The following ANKFN1 variants were observed in gnomAD, a reference collection of about 807,000 sequenced individuals.
The protein encoded by ANKFN1 is ankyrin repeat and fibronectin type-III domain-containing protein 1.
ANKFN1 carries 74 observed loss-of-function variants against 108.7 expected under a neutral mutation model. The ratio of observed to expected loss-of-function variants is 0.68; its 90% CI spans 0.56 to 0.83. ANKFN1 has a LOEUF of 0.83. Among genes scored for constraint, ANKFN1 ranks in the 40% least tolerant of loss-of-function variants. The pLI is 0.00. For missense variants in ANKFN1, 1,505 were observed against 1,382.3 expected, an observed-to-expected ratio of 1.09 and a Z score of -1.41; for synonymous variants, 547 against 516.2, an observed-to-expected ratio of 1.06 and a Z score of -0.81.
At chr17:56,507,075 A>G (rs1238738829) in intron 20 of ANKFN1, among the ~76,000 whole-genome samples, 1 of 152,200 alleles carries the variant, frequency 6.6e-6, no homozygotes, top group Non-Finnish European at 1.5e-5. Flanking sequence ...TAAATGAAGA[A>G]GGGAGTTCAA....
chr17:56,297,879 T>A (rs1471752693), intron 3 of ANKFN1, among the ~76,000 whole-genome samples: 1 of 152,218 alleles, frequency 6.6e-6, no homozygotes, highest in Non-Finnish European at 1.5e-5. Context: ...GGTTAATAAA[T>A]CATGTAATAA....
At chr17:56,105,805 T>C (rs868671082) in intron 4 of ANKFN1, among the ~76,000 whole-genome samples, 96 of 151,428 alleles carry the variant, frequency 6.3e-4, no homozygotes, top group Non-Finnish European at 1.0e-3. Flanking sequence ...AAGCCTTAGA[T>C]CAGTGGTTCT....
intron 3 of ANKFN1, among the ~76,000 whole-genome samples, chr17:56,286,574 C>T (rs2044222505): frequency 6.6e-6 from 1 of 152,146 alleles, no homozygotes; most frequent in African/African-American, 2.4e-5. Context: ...ATGGCCTCTC[C>T]ATGTGACTGG....
At chr17:56,206,564 C>T (rs1289514118) in intron 1 of ANKFN1, 1 of 152,154 alleles carries the variant, frequency 6.6e-6, no homozygotes, top group Non-Finnish European at 1.5e-5. Flanking sequence ...AGCTATGGAT[C>T]ACAGTGTTAT....
At chr17:56,334,120 G>T (rs9303386) in intron 4 of ANKFN1, among the ~76,000 whole-genome samples, 120,713 of 152,140 alleles carry the variant, frequency 0.79, 48,217 homozygotes, top group East Asian at 0.96. Context: ...AATGGAATAC[G>T]TCTCAGCAAT....
At chr17:56,281,676 C>G (rs1326891278) in intron 3 of ANKFN1, among the ~76,000 whole-genome samples, 1 of 152,060 alleles carries the variant, frequency 6.6e-6, no homozygotes, top group Non-Finnish European at 1.5e-5. Context: ...ATTTTTAAAA[C>G]AGGCAAAAAA....
intron 3 of ANKFN1, among the ~76,000 whole-genome samples, chr17:56,254,627 C>A (rs1459502186): frequency 6.6e-6 from 1 of 152,190 alleles, no homozygotes; most frequent in East Asian, 1.9e-4. Flanking sequence ...TCCTTTATAG[C>A]AGAGATTCTC....
At chr17:56,385,782 C>T (rs960596128) in intron 8 of ANKFN1, among the ~76,000 whole-genome samples, 5 of 152,168 alleles carry the variant, frequency 3.3e-5, no homozygotes, top group African/African-American at 1.2e-4. Context: ...TACCATCTCA[C>T]ACCAGTTAGA....
At chr17:56,442,961 G>A (rs1213277886) in intron 10 of ANKFN1, 28 bp downstream of exon 10, 1 of 1,608,804 alleles carries the variant, frequency 6.2e-7, no homozygotes, top group East Asian at 2.2e-5. Flanking sequence ...ACTCTCTCCA[G>A]CATGGTAACA....
intron 20 of ANKFN1, among the ~76,000 whole-genome samples, chr17:56,504,919 C>T (rs570481572): frequency 2.0e-5 from 3 of 151,420 alleles, no homozygotes; most frequent in East Asian, 1.9e-4. Flanking sequence ...GTGATCCACC[C>T]GCCTCGGCCT....
At chr17:56,272,693 T>A (rs77892335) in intron 3 of ANKFN1, among the ~76,000 whole-genome samples, 2,453 of 152,314 alleles carry the variant, frequency 0.016, 59 homozygotes, top group African/African-American at 0.055. Flanking sequence ...ACAAGTGGAA[T>A]TGCTGGATCA....
chr17:56,326,023 C>G (rs1031446451), intron 3 of ANKFN1, among the ~76,000 whole-genome samples, 198 bp from the exon 4 acceptor site: 2 of 152,240 alleles, frequency 1.3e-5, no homozygotes, highest in African/African-American at 4.8e-5. Context: ...TCACTACACG[C>G]ACACAAGCTA....
At chr17:56,236,497 G>A (rs1192801579) in intron 3 of ANKFN1, among the ~76,000 whole-genome samples, 2 of 152,134 alleles carry the variant, frequency 1.3e-5, no homozygotes, top group Non-Finnish European at 2.9e-5. Flanking sequence ...TGGCTTGTCT[G>A]TTGTTGGTGT....
At chr17:56,280,851 C>T (rs1223814746) in intron 3 of ANKFN1, among the ~76,000 whole-genome samples, 2 of 152,100 alleles carry the variant, frequency 1.3e-5, no homozygotes, top group Non-Finnish European at 2.9e-5. Context: ...ATCTTGAATT[C>T]CCATATGTTG....
intron 4 of ANKFN1, among the ~76,000 whole-genome samples, chr17:56,094,502 G>A (rs61689046): frequency 0.19 from 19,244 of 99,692 alleles, 3,980 homozygotes; most frequent in African/African-American, 0.49. Context: ...TTTTTTTGAG[G>A]CGAAGTCTTG....
intron 8 of ANKFN1, among the ~76,000 whole-genome samples, chr17:56,415,160 C>G (rs903185385): frequency 3.3e-4 from 50 of 152,180 alleles, no homozygotes; most frequent in African/African-American, 1.2e-3. Context: ...TGGAACATGA[C>G]AAGGATGCCC....
chr17:56,123,689 T>C (rs1906750545), intron 4 of ANKFN1, among the ~76,000 whole-genome samples: 1 of 152,056 alleles, frequency 6.6e-6, no homozygotes, highest in African/African-American at 2.4e-5. Flanking sequence ...TTAGGAGTAA[T>C]TAGGTGTAAA....
At chr17:56,503,893 GA>G (rs1289429833) in intron 20 of ANKFN1, among the ~76,000 whole-genome samples, 1 of 152,200 alleles carries the variant, frequency 6.6e-6, no homozygotes, top group Non-Finnish European at 1.5e-5. Context: ...CCCTCTCAGG[GA>G]AATTGAGGAG....
chr17:56,293,505 G>A (rs1236946271), intron 3 of ANKFN1, among the ~76,000 whole-genome samples: 1 of 152,176 alleles, frequency 6.6e-6, no homozygotes, highest in Non-Finnish European at 1.5e-5. Context: ...CATATGCACT[G>A]GTTTCGTGCA....
Sources: allele counts gnomAD v4.1 joint callset (sites outside exome capture counted in the v4.1 genomes callset), GRCh38; gene constraint gnomAD v4.1.1; transcripts MANE v1.5; gene names NCBI Gene and HGNC (gene_info 2026-07-23, HGNC 2026-07-21).